The following TSPAN16 variants were observed in gnomAD, a reference collection of about 807,000 sequenced individuals.
TSPAN16 encodes tetraspanin-16.
In TSPAN16, 23 loss-of-function variants were observed where a neutral mutation model predicts 25.2. The observed-to-expected ratio is 0.91, with a 90% CI of 0.66 to 1.29. The LOEUF is 1.29. Ranked by LOEUF, TSPAN16 falls within the 50% of genes most tolerant of loss-of-function variation. The pLI is 0.00. For missense variants in TSPAN16, 272 were observed against 299.9 expected (o/e 0.91, Z 0.69); for synonymous variants, 123 against 124.4 (o/e 0.99, Z 0.08).
At chr19:11,315,217 CAG>C (rs1411715688) in intron 6 of TSPAN16, among the ~76,000 whole-genome samples, 1 of 141,200 alleles carries the variant, frequency 7.1e-6, no homozygotes, top group Admixed American at 7.5e-5. Flanking sequence ...ACCTGGGCAA[CAG>C]AGTGAGACTC....
chr19:11,325,575 G>T (rs1339540496), intron 6 of TSPAN16: 6 of 1,609,820 alleles, frequency 3.7e-6, no homozygotes, highest in South Asian at 1.1e-5. Context: ...TGGCTTCAAA[G>T]AACTCGAAAC....
At chr19:11,301,950 A>G (rs1202794484) in intron 4 of TSPAN16, among the ~76,000 whole-genome samples, 1 of 145,338 alleles carries the variant, frequency 6.9e-6, no homozygotes, top group African/African-American at 2.7e-5. Context: ...TAGCCTCCCA[A>G]GTAGCTGGGA....
At chr19:11,308,932 G>T (rs966289781) in intron 5 of TSPAN16, among the ~76,000 whole-genome samples, 1 of 152,110 alleles carries the variant, frequency 6.6e-6, no homozygotes, top group Non-Finnish European at 1.5e-5. Context: ...TATATTAGCT[G>T]AGTGTGGTGA....
downstream of TSPAN16, among the ~76,000 whole-genome samples, chr19:11,318,376 G>T (rs936301314): frequency 1.3e-5 from 2 of 152,024 alleles, no homozygotes. Flanking sequence ...TAGCCAGGAT[G>T]GTCTGGATCT....
At chr19:11,317,723 G>A (rs1444659939), downstream of TSPAN16, among the ~76,000 whole-genome samples, 1 of 150,830 alleles carries the variant, frequency 6.6e-6, no homozygotes, top group Non-Finnish European at 1.5e-5. Flanking sequence ...TCGAACTCCT[G>A]ACCTCAGGAG....
intron 2 of TSPAN16, 128 bp downstream of exon 2, chr19:11,298,467 C>G: frequency 7.0e-6 from 6 of 861,442 alleles, no homozygotes; most frequent in Non-Finnish European, 1.1e-5. Context: ...CAGGGTTTCA[C>G]TCTGTCGCCC....
Position 11,321,041 on chromosome 19 carries a change from T to C in TSPAN16, c.688-5753T>C, listed in dbSNP as rs189691436. Among the ~76,000 whole-genome samples the C allele has an allele frequency of 4.7e-4, 72 of 151,922 alleles. 2 individuals carry two copies. In the East Asian group the frequency reaches 4.9e-3, roughly 10 times the overall value. ...AAAATTAGCCAGGCGTAGTGGAGTG[T>C]GCCTGTAATCCCAGCTACTCGGGAG... On this transcript the variant is annotated intron_variant, in intron 6 of 6. Transcript: ENST00000316737.
At chr19:11,323,848 G>C (rs979339756) in intron 6 of TSPAN16, 9 of 152,252 alleles carry the variant, frequency 5.9e-5, no homozygotes, top group Non-Finnish European at 1.0e-4. Context: ...TCCTAACAGT[G>C]CTGGTCCTGT....
At chr19:11,302,660 C>T (rs1377538131) in intron 4 of TSPAN16, among the ~76,000 whole-genome samples, 1 of 97,846 alleles carries the variant, frequency 1.0e-5, no homozygotes, top group African/African-American at 5.3e-5. Context: ...TATACACATA[C>T]ATATATATAT....
At chr19:11,297,185 G>A (rs1043419294) in intron 1 of TSPAN16, among the ~76,000 whole-genome samples, 13 of 152,254 alleles carry the variant, frequency 8.5e-5, no homozygotes, top group East Asian at 3.9e-4. Context: ...AATTAAGGCC[G>A]GCTGTGGTGA....
rs182542211 is a variant in TSPAN16 at position 11,296,625 on chromosome 19, T to G, written c.69+259T>G. 7.2e-5 allele frequency among the ~76,000 whole-genome samples: 11 copies of G among 152,284 alleles called. No homozygotes were observed. The East Asian group carries it at 2.1e-3, about 29-fold the overall frequency. On this transcript the variant is annotated intron_variant, in intron 1 of 6. Coordinates refer to ENST00000590327, the MANE Select transcript of TSPAN16 (RefSeq NM_001282509.2). Reference sequence around the variant, plus strand: ...GGTGATGGAAGAGCTTGGCTCTAAGTCAAATCCTGTAGCCGACCAAGTTGT... The same window carrying G: ...GGTGATGGAAGAGCTTGGCTCTAAGGCAAATCCTGTAGCCGACCAAGTTGT...
chr19:11,320,122 C>CTTTTTTTTTTTTTTTTTTTTT (rs373015307), downstream of TSPAN16, among the ~76,000 whole-genome samples: 2 of 106,838 alleles, frequency 1.9e-5, 1 homozygote, highest in African/African-American at 8.2e-5. Flanking sequence ...CCGGCCAGGA[C>CTTTTTTTTTTTTTTTTTTTTT]TTTTTTTTTT....
intron 1 of TSPAN16, among the ~76,000 whole-genome samples, chr19:11,297,318 T>A (rs1196129376): frequency 6.6e-6 from 1 of 152,022 alleles, no homozygotes; most frequent in African/African-American, 2.4e-5. Flanking sequence ...CAAAATAAAG[T>A]GTTATTGGAA....
At chr19:11,317,580 A>C (rs2080755717), downstream of TSPAN16, among the ~76,000 whole-genome samples, 1 of 151,098 alleles carries the variant, frequency 6.6e-6, no homozygotes, top group Admixed American at 6.6e-5. Context: ...CTGCAACCTC[A>C]GCCTTCCGGG....
chr19:11,316,117 GGT>G (rs1491090654), downstream of TSPAN16: 7,018 of 228,542 alleles, frequency 0.031, 224 homozygotes, highest in South Asian at 0.046. Context: ...GTGTGTGTGT[GGT>G]TTTTTTTTTT....
chr19:11,318,022 T>C (rs1290091915), downstream of TSPAN16, among the ~76,000 whole-genome samples: 1 of 151,562 alleles, frequency 6.6e-6, no homozygotes, highest in Non-Finnish European at 1.5e-5. Flanking sequence ...ATCCTGATCT[T>C]TTATTATTAT....
chr19:11,320,833 T>C (rs2080774356), downstream of TSPAN16, among the ~76,000 whole-genome samples: 1 of 152,088 alleles, frequency 6.6e-6, no homozygotes, highest in Admixed American at 6.6e-5. Flanking sequence ...TAGTCTGTTT[T>C]CCTACTGCTG....
At chr19:11,317,123 A>G (rs1437775317), downstream of TSPAN16, among the ~76,000 whole-genome samples, 1 of 152,098 alleles carries the variant, frequency 6.6e-6, no homozygotes, top group African/African-American at 2.4e-5. Flanking sequence ...TCTACAAGAC[A>G]ACAACATCAA....
At chr19:11,303,390 A>G (rs2080587862) in intron 4 of TSPAN16, among the ~76,000 whole-genome samples, 1 of 146,748 alleles carries the variant, frequency 6.8e-6, no homozygotes, top group Non-Finnish European at 1.5e-5. Context: ...CCACTCCCTA[A>G]TCTCAAGTTC....
Sources: allele counts gnomAD v4.1 joint callset (sites outside exome capture counted in the v4.1 genomes callset), GRCh38; gene constraint gnomAD v4.1.1; transcripts MANE v1.5; gene names NCBI Gene and HGNC (gene_info 2026-07-23, HGNC 2026-07-21).